Variants in KDM4C observed in about 807,000 individuals in gnomAD.
KDM4C encodes the protein lysine demethylase 4C, also known as lysine-specific demethylase 4C.
In KDM4C, 81 loss-of-function variants were observed where a neutral mutation model predicts 129.3. That is an observed-to-expected ratio of 0.63 (90% confidence interval 0.52 to 0.75). The LOEUF is 0.75. Among genes scored for constraint, KDM4C ranks in the 30% least tolerant of loss-of-function variants. The pLI is 0.00. For missense variants in KDM4C, 1,457 were observed against 1,304.0 expected, an observed-to-expected ratio of 1.12 and a Z score of -1.81; for synonymous variants, 573 against 456.1, an observed-to-expected ratio of 1.26 and a Z score of -3.26.
intron 18 of KDM4C, among the ~76,000 whole-genome samples, chr9:7,111,866 CT>C (rs1481596942): frequency 2.0e-5 from 3 of 152,038 alleles, no homozygotes; most frequent in Non-Finnish European, 2.9e-5. Context: ...GGGAAATGTT[CT>C]TGGCTAAACA....
In KDM4C at chr9:6,995,948, G is replaced by A. The variant is rs528366544; in HGVS notation, c.1786+5424G>A. Among the ~76,000 whole-genome samples, 60 of 152,306 alleles carry A rather than the reference G, an allele frequency of 3.9e-4. 1 individual carries two copies. The highest frequency in any genetic ancestry group is 1.9e-3 in the South Asian group (9 of 4,826). ...CTCCCAAAGTGCTGGGATTACAGGCGTGAGCCACCGCGCCCGGCCCTGCAG... is the reference window on the plus strand; with the variant it reads ...CTCCCAAAGTGCTGGGATTACAGGCATGAGCCACCGCGCCCGGCCCTGCAG... On this transcript the variant is annotated intron_variant, in intron 12 of 21. Coordinates refer to ENST00000381309, the MANE Select transcript of KDM4C (RefSeq NM_015061.6).
intron 1 of KDM4C, among the ~76,000 whole-genome samples, chr9:6,752,482 C>T (rs1463550262): frequency 6.9e-6 from 1 of 144,918 alleles, no homozygotes; most frequent in Non-Finnish European, 1.5e-5. Flanking sequence ...ATGATCTCGG[C>T]TTACTGCAAT....
intron 8 of KDM4C, among the ~76,000 whole-genome samples, chr9:6,957,752 C>T (rs1467861523): frequency 6.6e-6 from 1 of 152,162 alleles, no homozygotes; most frequent in African/African-American, 2.4e-5. Context: ...GGGGTGAAAA[C>T]ATGGCATGCA....
chr9:6,834,925 C>T (rs947370434), intron 4 of KDM4C: 61 of 1,154,332 alleles, frequency 5.3e-5, no homozygotes, highest in Admixed American at 1.2e-4. Flanking sequence ...ACTCCGGTGA[C>T]GGGGTCACCC....
chr9:7,000,141 T>G (rs1820469490), intron 12 of KDM4C, among the ~76,000 whole-genome samples: 1 of 152,172 alleles, frequency 6.6e-6, no homozygotes, highest in Non-Finnish European at 1.5e-5. Flanking sequence ...AGGTTTGTAA[T>G]AATAATTTGG....
intron 17 of KDM4C, among the ~76,000 whole-genome samples, chr9:7,085,430 T>G (rs1834998706): frequency 6.6e-6 from 1 of 152,218 alleles, no homozygotes; most frequent in Non-Finnish European, 1.5e-5. Context: ...TAGAGAGAAC[T>G]ATGAGGAACA....
rs769054638 is a variant in KDM4C, at chr9:7,011,787, C to T, written c.1876C>T (p.Pro626Ser). The change falls in exon 13 of 22, where the codon CCT (proline) becomes TCT (serine). Residue 626 changes from proline (P) to serine (S), a missense_variant. Transcript: ENST00000381309. ...PLIHLWQTKSPNFAAEQEYNA... is the reference protein window; with the variant it reads ...PLIHLWQTKSSNFAAEQEYNA... Reference sequence around the variant, plus strand: ...CATCCACCTTTGGCAGACGAAGTCCCCTAACTTCGCAGCTGAGCAAGAGTA... The same window carrying T: ...CATCCACCTTTGGCAGACGAAGTCCTCTAACTTCGCAGCTGAGCAAGAGTA... 2.5e-6 allele frequency: 4 copies of T among 1,613,996 alleles called. No individual in the cohort carries two copies. Among genetic ancestry groups the T allele is most frequent in the South Asian group, 1.1e-5 (1 of 91,078 alleles).
At chr9:7,139,026 C>T (rs1164881202) in intron 19 of KDM4C, among the ~76,000 whole-genome samples, 1 of 152,072 alleles carries the variant, frequency 6.6e-6, no homozygotes. Flanking sequence ...AATCCCAGCA[C>T]CTTGGGAGTT....
chr9:6,859,347 C>T (rs866910564), intron 5 of KDM4C, among the ~76,000 whole-genome samples: 2 of 151,780 alleles, frequency 1.3e-5, no homozygotes, highest in South Asian at 2.1e-4. Context: ...TAGTGGCCCA[C>T]GCCTGTAGTC....
intron 8 of KDM4C, among the ~76,000 whole-genome samples, chr9:6,963,922 C>T (rs954323919): frequency 2.6e-5 from 4 of 152,100 alleles, no homozygotes; most frequent in African/African-American, 7.2e-5. Flanking sequence ...CTATTCAGTG[C>T]AGAGGAGTAT....
chr9:6,980,422 C>G (rs761407991), intron 8 of KDM4C, among the ~76,000 whole-genome samples: 1 of 152,036 alleles, frequency 6.6e-6, no homozygotes, highest in Non-Finnish European at 1.5e-5. Flanking sequence ...TTCATTTGCT[C>G]CTAATTTTGG....
intron 3 of KDM4C, among the ~76,000 whole-genome samples, chr9:6,806,910 C>G (rs897377196): frequency 6.7e-6 from 1 of 150,356 alleles, no homozygotes; most frequent in Non-Finnish European, 1.5e-5. Context: ...CCCTCTCCCT[C>G]TCCCTCTCCG....
In KDM4C at chr9:6,808,142, A is replaced by G. The variant is rs1394185497; in HGVS notation, c.320+2368A>G. 8.5e-4 allele frequency among the ~76,000 whole-genome samples: 38 copies of G among 44,828 alleles called. 1 individual carries two copies. The highest frequency in any genetic ancestry group is 8.9e-3 in the Middle Eastern group (1 of 112). 29.4% of individuals were successfully genotyped at this position (44,828 alleles called of 152,430 possible). On this transcript the variant is annotated intron_variant, in intron 3 of 21. Coordinates refer to ENST00000381309, the MANE Select transcript of KDM4C (RefSeq NM_015061.6). ...GGGGCGCCTCTGCCCGGCCGCCCCT[A>G]CTGGGAAGTGAGGAGCTCCTCTGCC... is the stretch of plus-strand genomic sequence containing the variant.
chr9:7,050,446 A>AG (rs61443283), intron 17 of KDM4C, among the ~76,000 whole-genome samples: 2 of 150,254 alleles, frequency 1.3e-5, no homozygotes, highest in African/African-American at 2.4e-5. Context: ...GATTACCAAA[A>AG]AAAAAAAAAG....
intron 1 of KDM4C, among the ~76,000 whole-genome samples, chr9:6,791,636 C>G (rs1826645052): frequency 1.3e-5 from 2 of 152,222 alleles, no homozygotes; most frequent in Non-Finnish European, 2.9e-5. Flanking sequence ...TCAGCCTAGA[C>G]TAGGCCTTTG....
At chr9:6,734,240 A>G (rs1817447870) in intron 1 of KDM4C, among the ~76,000 whole-genome samples, 1 of 150,540 alleles carries the variant, frequency 6.6e-6, no homozygotes, top group South Asian at 2.1e-4. Context: ...TACCTGGATA[A>G]GTGATCAGGA....
intron 18 of KDM4C, among the ~76,000 whole-genome samples, chr9:7,110,078 G>T (rs1838148625): frequency 6.6e-6 from 1 of 152,206 alleles, no homozygotes; most frequent in African/African-American, 2.4e-5. Flanking sequence ...GTCTCAGGCG[G>T]TTCTTTATAG....
At chr9:7,017,054 C>G (rs906751731) in intron 15 of KDM4C, among the ~76,000 whole-genome samples, 37 of 151,302 alleles carry the variant, frequency 2.4e-4, no homozygotes, top group African/African-American at 7.8e-4. Flanking sequence ...TCCCACTTCA[C>G]CCTCCTGGGT....
At chr9:7,078,267 A>G (rs1239863103) in intron 17 of KDM4C, among the ~76,000 whole-genome samples, 2 of 152,126 alleles carry the variant, frequency 1.3e-5, no homozygotes, top group Non-Finnish European at 2.9e-5. Flanking sequence ...AATGGGAAAA[A>G]AGTAAAATAT....
Sources: allele counts gnomAD v4.1 joint callset (sites outside exome capture counted in the v4.1 genomes callset), GRCh38; gene constraint gnomAD v4.1.1; transcripts MANE v1.5; gene names NCBI Gene and HGNC (gene_info 2026-07-23, HGNC 2026-07-21).